The following ANKRD31 variants were observed in gnomAD, a reference collection of about 807,000 sequenced individuals.
ANKRD31 encodes the protein ankyrin repeat domain 31.
In ANKRD31, 147 loss-of-function variants were observed where a neutral mutation model predicts 186.0. That is an observed-to-expected ratio of 0.79 (90% CI 0.69 to 0.91). The LOEUF (loss-of-function observed/expected upper bound fraction) is 0.91. Ranked by LOEUF, ANKRD31 falls within the 40% of genes least tolerant of loss-of-function variation. The pLI is 0.00. For missense variants in ANKRD31, 1,986 were observed against 2,148.8 expected (o/e 0.92, Z 1.50); for synonymous variants, 673 against 736.4 (o/e 0.91, Z 1.39).
chr5:75,138,747 C>T, intron 16 of ANKRD31, 99 bp downstream of exon 16: 1 of 1,215,456 alleles, frequency 8.2e-7, no homozygotes, highest in Non-Finnish European at 1.1e-6. Flanking sequence ...TTATCACTTA[C>T]ATATCAGCCA....
In ANKRD31 at chr5:75,104,727, C is replaced by T; in HGVS notation, c.4832G>A (p.Gly1611Asp). The change falls in exon 22 of 26, where the codon GGT (glycine) becomes GAT (aspartate). Residue 1611 changes from glycine to aspartate, a missense_variant. By Grantham distance (94) the Gly-to-Asp change is moderately conservative (BLOSUM62 -1). Transcript: ENST00000506364. ...CTCTTTCTGTGAATATTCTGTTTGA[C>T]CAATAAAAGCAACAGGTTGGGATGG... ...KLPSQPVAFI[G>D]QTEYSQKEND... 6.5e-7 allele frequency: 1 copy of T among 1,537,112 alleles called. No individual in the cohort carries two copies. The highest frequency in any genetic ancestry group is 2.4e-5 in the East Asian group (1 of 40,904).
chr5:75,159,309 G>T (rs918696490), intron 11 of ANKRD31, among the ~76,000 whole-genome samples: 1 of 152,026 alleles, frequency 6.6e-6, no homozygotes. Context: ...AAAAGCAGCA[G>T]AGAAAAATAT....
chr5:75,109,204 G>A (rs971408558), intron 20 of ANKRD31, among the ~76,000 whole-genome samples: 13 of 152,140 alleles, frequency 8.5e-5, no homozygotes, highest in Non-Finnish European at 1.6e-4. Flanking sequence ...AAAAATTTCA[G>A]ATGAATTATG....
intron 16 of ANKRD31, among the ~76,000 whole-genome samples, 183 bp downstream of exon 16, chr5:75,138,663 A>G (rs1250568023): frequency 6.6e-6 from 1 of 152,148 alleles, no homozygotes; most frequent in Non-Finnish European, 1.5e-5. Flanking sequence ...TTTCAAAGGA[A>G]AAAGGTCTTT....
intron 4 of ANKRD31, among the ~76,000 whole-genome samples, chr5:75,207,778 T>C (rs938373167): frequency 2.6e-5 from 4 of 152,130 alleles, no homozygotes; most frequent in Non-Finnish European, 5.9e-5. Flanking sequence ...AGAGAGAATA[T>C]GGATGCTATA....
Position 75,137,167 on chromosome 5 carries a change from A to T in ANKRD31, c.3876+689T>A, listed in dbSNP as rs1750653481. 5.9e-5 allele frequency among the ~76,000 whole-genome samples: 9 copies of T among 152,236 alleles called. 1 individual carries two copies. In the South Asian group the frequency reaches 1.9e-3, roughly 32 times the overall value. ...CCCTAGGACTTAAAGTATAATAATA[A>T]AAAAAGTAGATACTTTAATTAAAAA... On this transcript the variant is annotated intron_variant, in intron 17 of 25. Transcript: ENST00000506364.
intron 22 of ANKRD31, among the ~76,000 whole-genome samples, chr5:75,094,965 C>T (rs547468380): frequency 1.9e-4 from 29 of 152,164 alleles, no homozygotes; most frequent in African/African-American, 6.5e-4. Flanking sequence ...TGCTAAGAGG[C>T]TTGATGCATC....
intron 11 of ANKRD31, among the ~76,000 whole-genome samples, chr5:75,163,566 T>G (rs575111125): frequency 5.3e-4 from 81 of 152,326 alleles, no homozygotes; most frequent in African/African-American, 1.9e-3. Flanking sequence ...AATCATCATA[T>G]GAAATCAGGT....
chr5:75,069,551 T>C (rs1007442164), intron 25 of ANKRD31, among the ~76,000 whole-genome samples: 1 of 151,894 alleles, frequency 6.6e-6, no homozygotes, highest in African/African-American at 2.4e-5. Flanking sequence ...TTTTGTTTTT[T>C]GGTTTTTTTT....
intron 10 of ANKRD31, among the ~76,000 whole-genome samples, chr5:75,172,727 G>A (rs1753442401): frequency 1.3e-5 from 2 of 152,114 alleles, no homozygotes; most frequent in Admixed American, 6.5e-5. Flanking sequence ...AACAGGCTCT[G>A]AAACTGAGCA....
intron 17 of ANKRD31, among the ~76,000 whole-genome samples, chr5:75,125,188 A>C (rs535852030): frequency 2.0e-5 from 3 of 152,316 alleles, no homozygotes; most frequent in African/African-American, 7.2e-5. Context: ...AGAGAGTGAA[A>C]AGACAGCAGA....
intron 17 of ANKRD31, among the ~76,000 whole-genome samples, chr5:75,132,419 G>A (rs1246094791): frequency 6.6e-6 from 1 of 152,196 alleles, no homozygotes; most frequent in Non-Finnish European, 1.5e-5. Flanking sequence ...GGGTATCAGT[G>A]ATTGAAGATC....
intron 24 of ANKRD31, among the ~76,000 whole-genome samples, chr5:75,080,864 TA>T (rs1745028148): frequency 6.6e-6 from 1 of 152,108 alleles, no homozygotes; most frequent in African/African-American, 2.4e-5. Context: ...TCAAAAAGCA[TA>T]AGAGAACAGA....
intron 22 of ANKRD31, among the ~76,000 whole-genome samples, chr5:75,100,374 T>C (rs1189349926): frequency 6.6e-6 from 1 of 152,210 alleles, no homozygotes; most frequent in Non-Finnish European, 1.5e-5. Flanking sequence ...AAGTGCAACG[T>C]GGTGCTGAGA....
chr5:75,169,915 T>C (rs1410801092), intron 10 of ANKRD31, among the ~76,000 whole-genome samples: 2 of 152,076 alleles, frequency 1.3e-5, no homozygotes, highest in Non-Finnish European at 2.9e-5. Context: ...CAACTAAACA[T>C]GTTTCCAGAA....
At chr5:75,085,474 C>T (rs1447763534) in intron 23 of ANKRD31, among the ~76,000 whole-genome samples, 1 of 152,018 alleles carries the variant, frequency 6.6e-6, no homozygotes, top group Non-Finnish European at 1.5e-5. Context: ...TGAGTTCAAG[C>T]AATTCTCATG....
At chr5:75,140,360 A>C (rs1470235729) in intron 15 of ANKRD31, among the ~76,000 whole-genome samples, 3 of 152,084 alleles carry the variant, frequency 2.0e-5, no homozygotes, top group African/African-American at 7.2e-5. Flanking sequence ...TGCATTAGAG[A>C]AGCTTCAGAC....
intron 25 of ANKRD31, 39 bp downstream of exon 25, chr5:75,080,529 T>C (rs769990481): frequency 6.5e-6 from 9 of 1,389,262 alleles, no homozygotes; most frequent in East Asian, 5.0e-5. Context: ...TAAACACTTA[T>C]AAAAGTAAAT....
chr5:75,114,384 T>C (rs1024499145), intron 19 of ANKRD31, among the ~76,000 whole-genome samples: 5 of 152,274 alleles, frequency 3.3e-5, no homozygotes, highest in South Asian at 2.1e-4. Context: ...TAGCAGCTAC[T>C]CCATAATTCT....
Sources: gnomAD v4.1 joint callset for allele counts (sites outside exome capture counted in the v4.1 genomes callset) on GRCh38, gnomAD v4.1.1 for gene constraint, MANE v1.5 for transcripts, NCBI Gene and HGNC (gene_info 2026-07-23, HGNC 2026-07-21) for gene names.